CAMK1D: variants seen among roughly 807,000 people sequenced by gnomAD.
CAMK1D encodes the protein calcium/calmodulin dependent protein kinase ID, also known as calcium/calmodulin-dependent protein kinase type 1D.
A neutral mutation model predicts 47.7 loss-of-function variants in CAMK1D; 9 were observed. That is an observed-to-expected ratio of 0.19 (90% CI 0.11 to 0.33). The LOEUF (loss-of-function observed/expected upper bound fraction) is 0.33, where lower values mean the gene tolerates loss of function less well. CAMK1D is among the 10% of genes least tolerant of loss of function. The pLI, the probability that CAMK1D is intolerant of heterozygous loss-of-function variation, is 1.00. For synonymous variants in CAMK1D, 184 were observed against 184.9 expected (o/e 0.99, Z 0.04); for missense variants, 291 against 488.7 (o/e 0.60, Z 3.81).
intron 1 of CAMK1D, among the ~76,000 whole-genome samples, chr10:12,527,875 C>G (rs1835678862): frequency 6.6e-6 from 1 of 152,200 alleles, no homozygotes; most frequent in African/African-American, 2.4e-5. Flanking sequence ...GGTTAGTGGG[C>G]TTGCTTCATC....
At chr10:12,524,059 T>A (rs1355675997) in intron 1 of CAMK1D, among the ~76,000 whole-genome samples, 1 of 151,968 alleles carries the variant, frequency 6.6e-6, no homozygotes, top group African/African-American at 2.4e-5. Flanking sequence ...GCCTGGCTAA[T>A]TTTTTGTATA....
At chr10:12,826,060 C>T (rs1376527805) in intron 10 of CAMK1D, 1 of 220,176 alleles carries the variant, frequency 4.5e-6, no homozygotes, top group African/African-American at 2.3e-5. Flanking sequence ...TCACTTGAAC[C>T]CAGGAAGCGG....
chr10:12,576,991 G>A (rs1837508458), intron 2 of CAMK1D, among the ~76,000 whole-genome samples: 1 of 152,162 alleles, frequency 6.6e-6, no homozygotes, highest in Non-Finnish European at 1.5e-5. Context: ...GGAAAGGGGT[G>A]GAGAGAGGCC....
intron 1 of CAMK1D, among the ~76,000 whole-genome samples, chr10:12,387,078 C>T (rs1192803154): frequency 1.3e-5 from 2 of 151,298 alleles, no homozygotes; most frequent in South Asian, 4.2e-4. Flanking sequence ...ATGGCGGGCA[C>T]CTGTAGTCCC....
At chr10:12,409,651 A>AG (rs1284608858) in intron 1 of CAMK1D, among the ~76,000 whole-genome samples, 2 of 152,262 alleles carry the variant, frequency 1.3e-5, no homozygotes, top group East Asian at 3.8e-4. Context: ...ACTTCTTTAA[A>AG]GAGTACCATT....
chr10:12,750,000 G>A (rs1245418037), intron 3 of CAMK1D, among the ~76,000 whole-genome samples: 12 of 152,142 alleles, frequency 7.9e-5, no homozygotes, highest in Non-Finnish European at 1.8e-4. Flanking sequence ...CAAGGACAGT[G>A]GATGCTTACC....
At chr10:12,525,845 C>T (rs1370145816) in intron 1 of CAMK1D, among the ~76,000 whole-genome samples, 2 of 152,202 alleles carry the variant, frequency 1.3e-5, no homozygotes, top group African/African-American at 4.8e-5. Flanking sequence ...ACAACCTCCA[C>T]CTCTCAGGTT....
intron 2 of CAMK1D, among the ~76,000 whole-genome samples, chr10:12,634,403 C>G (rs944929186): frequency 6.6e-6 from 1 of 152,172 alleles, no homozygotes; most frequent in South Asian, 2.1e-4. Flanking sequence ...CACCTCTGGG[C>G]TCAAGCCATC....
At chr10:12,764,485 A>G (rs1407848520) in intron 4 of CAMK1D, among the ~76,000 whole-genome samples, 1 of 105,642 alleles carries the variant, frequency 9.5e-6, no homozygotes, top group African/African-American at 3.7e-5. Context: ...GACCCAGATG[A>G]ATCTTTTCTA....
intron 1 of CAMK1D, among the ~76,000 whole-genome samples, chr10:12,420,935 G>A (rs531550968): frequency 2.2e-4 from 33 of 152,240 alleles, no homozygotes; most frequent in African/African-American, 7.7e-4. Context: ...CTGTGAGCTC[G>A]CCTCTTCCTT....
chr10:12,474,345 C>G (rs761526861), intron 1 of CAMK1D, among the ~76,000 whole-genome samples: 2 of 151,918 alleles, frequency 1.3e-5, no homozygotes, highest in African/African-American at 4.8e-5. Context: ...GAGCCCACCA[C>G]CACGCCTGCC....
intron 3 of CAMK1D, among the ~76,000 whole-genome samples, chr10:12,739,151 C>T (rs889330873): frequency 5.9e-5 from 9 of 152,056 alleles, no homozygotes; most frequent in Non-Finnish European, 1.2e-4. Flanking sequence ...GCAGGAGGAT[C>T]GCTTAAGCCC....
intron 1 of CAMK1D, among the ~76,000 whole-genome samples, chr10:12,370,214 A>G (rs1316288830): frequency 6.6e-6 from 1 of 152,124 alleles, no homozygotes; most frequent in Non-Finnish European, 1.5e-5. Flanking sequence ...TTGTGGTGCC[A>G]TGGATTACTC....
chr10:12,825,651 A>G lies in CAMK1D; in HGVS notation c.1000A>G (p.Ser334Gly), dbSNP rs1462424421. The G allele has an allele frequency of 6.2e-7, 1 of 1,614,272 alleles. No individual in the cohort carries two copies. Among genetic ancestry groups the G allele is most frequent in the Admixed American group, 1.7e-5 (1 of 60,032 alleles). ...LGSSLDSSNA[S>G]VSSSLSLASQ... Reference sequence around the variant, plus strand: ...CAGCAGCCTGGACAGTTCAAATGCAAGTGTTTCGAGCAGCCTCAGTTTGGC... The same window carrying G: ...CAGCAGCCTGGACAGTTCAAATGCAGGTGTTTCGAGCAGCCTCAGTTTGGC... Residue 334 changes from serine to glycine, a missense_variant, in exon 10 of 11, where the codon AGT becomes GGT. By Grantham distance (56) the Ser-to-Gly change is moderately conservative. Around this residue, in one of 2 missense-constraint regions of CAMK1D, gnomAD observed 219 missense variants for 424.3 expected, o/e 0.52. Coordinates refer to ENST00000619168, the MANE Select transcript of CAMK1D (RefSeq NM_153498.4).
chr10:12,431,514 C>G (rs1428348153), intron 1 of CAMK1D, among the ~76,000 whole-genome samples: 1 of 152,158 alleles, frequency 6.6e-6, no homozygotes, highest in Non-Finnish European at 1.5e-5. Flanking sequence ...TAGATGCAAT[C>G]CCCTCACTTT....
At chr10:12,504,581 C>A (rs781061680) in intron 1 of CAMK1D, among the ~76,000 whole-genome samples, 4 of 152,150 alleles carry the variant, frequency 2.6e-5, no homozygotes, top group African/African-American at 4.8e-5. Flanking sequence ...CCAGAAACAG[C>A]CTCATAGACA....
intron 1 of CAMK1D, among the ~76,000 whole-genome samples, chr10:12,512,118 C>T (rs1835058577): frequency 6.6e-6 from 1 of 152,190 alleles, no homozygotes; most frequent in African/African-American, 2.4e-5. Context: ...CTCTGCTATA[C>T]CCTAGCATAT....
chr10:12,571,469 AAAG>A (rs1435326798), intron 2 of CAMK1D, among the ~76,000 whole-genome samples: 6 of 150,844 alleles, frequency 4.0e-5, no homozygotes, highest in Non-Finnish European at 7.4e-5. Context: ...AAAAAAAAAA[AAAG>A]AAAAAAAAGA....
chr10:12,478,935 G>A (rs963302337), intron 1 of CAMK1D, among the ~76,000 whole-genome samples: 1 of 152,166 alleles, frequency 6.6e-6, no homozygotes, highest in Non-Finnish European at 1.5e-5. Context: ...AACGTTTAGG[G>A]CCCTCTACCA....
Sources: allele counts gnomAD v4.1 joint callset (sites outside exome capture counted in the v4.1 genomes callset), GRCh38; gene constraint gnomAD v4.1.1; regional missense constraint gnomAD v4.1.1; transcripts MANE v1.5; gene names NCBI Gene and HGNC (gene_info 2026-07-23, HGNC 2026-07-21).